Variants in DSCAM observed in about 807,000 individuals in gnomAD.
DSCAM encodes the protein cell adhesion molecule DSCAM.
DSCAM carries 47 observed loss-of-function variants against 217.7 expected under a neutral mutation model. That is an observed-to-expected ratio of 0.22 (90% CI 0.17 to 0.28). The LOEUF (loss-of-function observed/expected upper bound fraction) is 0.28. DSCAM is among the 10% of genes least tolerant of loss of function. The pLI is 1.00. For missense variants in DSCAM, 2,080 were observed against 2,618.3 expected, an observed-to-expected ratio of 0.79 and a Z score of 4.49; for synonymous variants, 1,056 against 1,015.3, an observed-to-expected ratio of 1.04 and a Z score of -0.76.
chr21:40,212,312 G>A (rs1048064881), intron 11 of DSCAM: 7 of 154,200 alleles, frequency 4.5e-5, no homozygotes, highest in Middle Eastern at 5.1e-4. Flanking sequence ...GGTGCTCAAG[G>A]CATAGAGAAC....
At chr21:40,701,552 T>G (rs906425119) in intron 2 of DSCAM, among the ~76,000 whole-genome samples, 6 of 152,108 alleles carry the variant, frequency 3.9e-5, no homozygotes, top group Non-Finnish European at 8.8e-5. Context: ...TAATATAAGT[T>G]TTTTAGAGCA....
intron 3 of DSCAM, among the ~76,000 whole-genome samples, chr21:40,659,184 C>T (rs2090109109): frequency 1.3e-5 from 2 of 152,132 alleles, no homozygotes; most frequent in Admixed American, 6.6e-5. Context: ...AAAATGGAGG[C>T]AATTAAACTC....
At chr21:40,364,955 TTTA>T (rs1470387687) in intron 4 of DSCAM, among the ~76,000 whole-genome samples, 1 of 150,316 alleles carries the variant, frequency 6.7e-6, no homozygotes, top group African/African-American at 2.4e-5. Flanking sequence ...ATTTCATACT[TTTA>T]TTTTTCTCTT....
At chr21:40,111,052 G>A (rs2146635630) in intron 20 of DSCAM, among the ~76,000 whole-genome samples, 1 of 152,230 alleles carries the variant, frequency 6.6e-6, no homozygotes, top group African/African-American at 2.4e-5. Context: ...TCAAATTCAG[G>A]AAATACAGAG....
At position 40,670,534 on chromosome 21, in the gene DSCAM, C is replaced by T. The variant is rs945187826; in HGVS notation, c.508+22276G>A. Among the ~76,000 whole-genome samples, 17 of 35,044 alleles carry T rather than the reference C, an allele frequency of 4.9e-4. No homozygotes were observed. The East Asian group carries it at 0.02, about 42-fold the overall frequency. The allele number at this position is 35,044 out of a possible 152,430, so 23.0% of individuals were successfully genotyped here. On this transcript the variant is annotated intron_variant, in intron 3 of 32. Transcript: ENST00000400454. ...GCCTGGTGACAGAGCGAGACTCCGT[C>T]TCAAAAAAAAAAAAAAGTGACTACT...
chr21:40,328,443 T>A (rs2074341125), intron 8 of DSCAM, among the ~76,000 whole-genome samples: 1 of 152,142 alleles, frequency 6.6e-6, no homozygotes, highest in Non-Finnish European at 1.5e-5. Flanking sequence ...ATCATTAACT[T>A]TAATTTATGA....
intron 1 of DSCAM, among the ~76,000 whole-genome samples, chr21:40,784,529 C>T (rs1306566480): frequency 6.6e-6 from 1 of 152,154 alleles, no homozygotes; most frequent in Non-Finnish European, 1.5e-5. Context: ...AACAAGTCAA[C>T]ATTTATTAGA....
intron 24 of DSCAM, among the ~76,000 whole-genome samples, 172 bp downstream of exon 24, chr21:40,083,736 C>T (rs2089494032): frequency 6.6e-6 from 1 of 152,126 alleles, no homozygotes; most frequent in Non-Finnish European, 1.5e-5. Context: ...CAACAAATAT[C>T]CTAAAAATAA....
intron 1 of DSCAM, among the ~76,000 whole-genome samples, chr21:40,811,885 T>G (rs1391643345): frequency 6.6e-6 from 1 of 152,230 alleles, no homozygotes; most frequent in Non-Finnish European, 1.5e-5. Flanking sequence ...TGGTGTCTGT[T>G]CCGGCCTTTC....
At chr21:40,422,946 T>G (rs1275729800) in intron 3 of DSCAM, among the ~76,000 whole-genome samples, 1 of 152,212 alleles carries the variant, frequency 6.6e-6, no homozygotes, top group Non-Finnish European at 1.5e-5. Context: ...ACGACACAAT[T>G]TTATCAGTAA....
chr21:40,618,235 G>A (rs1170904675), intron 3 of DSCAM, among the ~76,000 whole-genome samples: 12 of 152,108 alleles, frequency 7.9e-5, no homozygotes, highest in African/African-American at 2.9e-4. Context: ...TCCGTTTTCA[G>A]AAAATCCAAA....
intron 1 of DSCAM, among the ~76,000 whole-genome samples, chr21:40,766,347 T>A (rs1601233511): frequency 1.3e-5 from 2 of 151,476 alleles, no homozygotes; most frequent in Non-Finnish European, 3.0e-5. Context: ...ATATATATAT[T>A]TTCAAAGGAT....
intron 32 of DSCAM, among the ~76,000 whole-genome samples, chr21:40,028,876 A>G (rs1294782443): frequency 6.6e-6 from 1 of 152,188 alleles, no homozygotes; most frequent in African/African-American, 2.4e-5. Context: ...TAGCAAATCA[A>G]AAAGACATCT....
chr21:40,360,302 T>C (rs2074747527), intron 4 of DSCAM, among the ~76,000 whole-genome samples: 1 of 151,696 alleles, frequency 6.6e-6, no homozygotes, highest in Non-Finnish European at 1.5e-5. Context: ...CCGGCTAATT[T>C]TTTTTGTATT....
chr21:40,167,694 T>C (rs962008316), intron 15 of DSCAM, among the ~76,000 whole-genome samples: 3 of 152,204 alleles, frequency 2.0e-5, no homozygotes, highest in South Asian at 2.1e-4. Context: ...GGTTTCTCAA[T>C]TGATTAGAAT....
intron 31 of DSCAM, among the ~76,000 whole-genome samples, chr21:40,043,107 T>G (rs1056695691): frequency 2.6e-5 from 4 of 152,312 alleles, no homozygotes; most frequent in Non-Finnish European, 4.4e-5. Context: ...GGAAGGAAGA[T>G]GTGATGATAT....
At chr21:40,412,253 G>A (rs1332138988) in intron 3 of DSCAM, among the ~76,000 whole-genome samples, 3 of 152,178 alleles carry the variant, frequency 2.0e-5, no homozygotes, top group African/African-American at 7.2e-5. Context: ...ACAGTCCAGT[G>A]GGGTGCTGAT....
At chr21:40,021,205 C>CAAAAA (rs763435750) in intron 32 of DSCAM, among the ~76,000 whole-genome samples, 324 of 83,200 alleles carry the variant, frequency 3.9e-3, no homozygotes, top group East Asian at 8.4e-3. Context: ...GACTCCGTCT[C>CAAAAA]AAAAAAAAAA....
chr21:40,798,831 A>G (rs2091714327), intron 1 of DSCAM, among the ~76,000 whole-genome samples: 1 of 152,150 alleles, frequency 6.6e-6, no homozygotes. Flanking sequence ...TCACCCATTC[A>G]GTATATATTG....
Sources: allele counts gnomAD v4.1 joint callset (sites outside exome capture counted in the v4.1 genomes callset), GRCh38; gene constraint gnomAD v4.1.1; transcripts MANE v1.5; gene names NCBI Gene and HGNC (gene_info 2026-07-23, HGNC 2026-07-21).